Variants in MYO3B observed in about 807,000 individuals in gnomAD.
MYO3B encodes myosin-IIIb.
MYO3B carries 156 observed loss-of-function variants against 174.6 expected under a neutral mutation model. The ratio of observed to expected loss-of-function variants is 0.89; its 90% CI spans 0.78 to 1.02. The LOEUF is 1.02. Among genes scored for constraint, MYO3B ranks in the 50% least tolerant of loss-of-function variants. The pLI, the probability that MYO3B is intolerant of heterozygous loss-of-function variation, is 0.00. For missense variants in MYO3B, 1,632 were observed against 1,639.4 expected (o/e 1.00, Z 0.08); for synonymous variants, 563 against 569.1 (o/e 0.99, Z 0.15).
chr2:170,284,518 A>G, intron 7 of MYO3B, among the ~76,000 whole-genome samples: 1 of 152,146 alleles, frequency 6.6e-6, no homozygotes, highest in Admixed American at 6.5e-5. Context: ...GTTAAGACCT[A>G]CAAAGCATTT....
At chr2:170,287,393 A>G (rs1006688679) in intron 7 of MYO3B, among the ~76,000 whole-genome samples, 11 of 96,932 alleles carry the variant, frequency 1.1e-4, no homozygotes, top group African/African-American at 3.7e-4. Flanking sequence ...TACATCTGTT[A>G]TTGCCTTTTT....
chr2:170,400,420 T>TTTTTTTTTA, intron 17 of MYO3B, 106 bp downstream of exon 17: 6 of 1,212,892 alleles, frequency 4.9e-6, no homozygotes, highest in Non-Finnish European at 6.7e-6. Context: ...TTTTTTTTTT[T>TTTTTTTTTA]ATCGAGATGG....
At position 170,444,260 on chromosome 2, in the gene MYO3B, A is replaced by G. The variant is rs2094824200; in HGVS notation, c.2730+214A>G. Among the ~76,000 whole-genome samples, 3 of 152,208 alleles carry G rather than the reference A, an allele frequency of 2.0e-5. No homozygotes were observed. In the South Asian group the frequency reaches 6.2e-4, roughly 31 times the overall value. ...TGATTCTCAGAAAGAGCACTTAAGA[A>G]CAATGCTACCTGAAAAAATAAAGTC... On this transcript the variant is annotated intron_variant, in intron 23 of 34. Transcript: ENST00000408978.
At chr2:170,316,363 A>G (rs2093775501) in intron 7 of MYO3B, among the ~76,000 whole-genome samples, 2 of 152,212 alleles carry the variant, frequency 1.3e-5, no homozygotes, top group Non-Finnish European at 2.9e-5. Flanking sequence ...CTTTAAATGA[A>G]TCATTTCCTC....
At chr2:170,577,955 G>A (rs1377306031) in intron 32 of MYO3B, among the ~76,000 whole-genome samples, 1 of 152,204 alleles carries the variant, frequency 6.6e-6, no homozygotes, top group African/African-American at 2.4e-5. Context: ...TGGAGGGTAT[G>A]TGAGAATATG....
intron 23 of MYO3B, among the ~76,000 whole-genome samples, chr2:170,458,961 G>A (rs1575011453): frequency 6.6e-6 from 1 of 152,152 alleles, no homozygotes; most frequent in South Asian, 2.1e-4. Context: ...CTCGCGGTGA[G>A]TGTTACAGTT....
chr2:170,359,401 C>T (rs2094145147), intron 8 of MYO3B, among the ~76,000 whole-genome samples: 1 of 152,058 alleles, frequency 6.6e-6, no homozygotes, highest in South Asian at 2.1e-4. Context: ...CACTCCTTCC[C>T]TCTAATCTAC....
At chr2:170,483,372 A>ATTTTTTT (rs1219069017) in intron 25 of MYO3B, among the ~76,000 whole-genome samples, 3 of 74,746 alleles carry the variant, frequency 4.0e-5, no homozygotes, top group Admixed American at 1.4e-4. Context: ...TTGCTTGGGG[A>ATTTTTTT]TTCTTTTTTT....
intron 1 of MYO3B, among the ~76,000 whole-genome samples, chr2:170,192,099 T>C (rs951939521): frequency 6.6e-6 from 1 of 152,146 alleles, no homozygotes; most frequent in Non-Finnish European, 1.5e-5. Flanking sequence ...AAACCATAAA[T>C]AGCATTGGAA....
At chr2:170,525,986 A>G (rs919156066) in intron 30 of MYO3B, among the ~76,000 whole-genome samples, 6 of 152,228 alleles carry the variant, frequency 3.9e-5, no homozygotes, top group African/African-American at 1.4e-4. Context: ...CCCCACATGA[A>G]ACCAGAGGGA....
intron 6 of MYO3B, among the ~76,000 whole-genome samples, chr2:170,231,174 G>A (rs916868711): frequency 4.6e-5 from 7 of 152,216 alleles, no homozygotes; most frequent in African/African-American, 1.7e-4. Context: ...GGAGAGGGGA[G>A]GTGTTCCCTC....
chr2:170,190,235 C>T (rs1002157774), intron 1 of MYO3B, among the ~76,000 whole-genome samples: 2 of 152,172 alleles, frequency 1.3e-5, no homozygotes, highest in African/African-American at 4.8e-5. Flanking sequence ...CTGCCTAGAA[C>T]TGGGAGAGGG....
chr2:170,414,331 G>A (rs1432916709), intron 22 of MYO3B, among the ~76,000 whole-genome samples: 1 of 151,976 alleles, frequency 6.6e-6, no homozygotes, highest in Admixed American at 6.6e-5. Context: ...GGAATTACAG[G>A]CCCCCACTAC....
At chr2:170,229,027 A>G (rs1263608629) in intron 6 of MYO3B, among the ~76,000 whole-genome samples, 1 of 151,466 alleles carries the variant, frequency 6.6e-6, no homozygotes. Flanking sequence ...GTATCATCAT[A>G]GGTAAGAAAC....
At chr2:170,355,892 C>A (rs550843100) in intron 8 of MYO3B, among the ~76,000 whole-genome samples, 1 of 152,022 alleles carries the variant, frequency 6.6e-6, no homozygotes, top group Non-Finnish European at 1.5e-5. Flanking sequence ...GTTGGCCACC[C>A]AGGGAGAATT....
intron 25 of MYO3B, among the ~76,000 whole-genome samples, chr2:170,495,835 C>T (rs952676983): frequency 3.3e-5 from 5 of 152,164 alleles, no homozygotes; most frequent in African/African-American, 7.2e-5. Flanking sequence ...CTTTTCTCAC[C>T]GCAATAGATT....
intron 1 of MYO3B, among the ~76,000 whole-genome samples, chr2:170,187,980 C>T (rs1238693972): frequency 3.9e-5 from 6 of 152,086 alleles, no homozygotes; most frequent in Non-Finnish European, 8.8e-5. Context: ...TCTAATAGGT[C>T]CATTTGGTCT....
intron 22 of MYO3B, among the ~76,000 whole-genome samples, chr2:170,426,338 CT>C (rs529286958): frequency 1.8e-3 from 239 of 133,816 alleles, no homozygotes; most frequent in Admixed American, 2.0e-3. Context: ...GACCTCATCG[CT>C]TTTTTTTTTT....
intron 32 of MYO3B, among the ~76,000 whole-genome samples, chr2:170,557,211 C>T (rs947263675): frequency 2.7e-5 from 4 of 150,284 alleles, no homozygotes; most frequent in African/African-American, 9.8e-5. Context: ...ACGATCTCGG[C>T]TCACTGCAAG....
Sources: allele counts gnomAD v4.1 joint callset (sites outside exome capture counted in the v4.1 genomes callset), GRCh38; gene constraint gnomAD v4.1.1; transcripts MANE v1.5; gene names NCBI Gene and HGNC (gene_info 2026-07-23, HGNC 2026-07-21).